XYLT2: variants seen among roughly 807,000 people sequenced by gnomAD.
XYLT2 encodes xylosyltransferase 2.
XYLT2 carries 37 observed loss-of-function variants against 82.6 expected under a neutral mutation model. That is an observed-to-expected ratio of 0.45 (90% CI 0.34 to 0.59). The LOEUF (loss-of-function observed/expected upper bound fraction) is 0.59, where lower values mean the gene tolerates loss of function less well. Among genes scored for constraint, XYLT2 ranks in the 20% least tolerant of loss-of-function variants. The pLI is 0.01. For synonymous variants in XYLT2, 474 were observed against 499.0 expected, an observed-to-expected ratio of 0.95 and a Z score of 0.67; for missense variants, 934 against 1,181.3, an observed-to-expected ratio of 0.79 and a Z score of 3.07.
rs386386236 is a variant in XYLT2, at chr17:50,360,571, CT to C, written c.*299del. On this transcript the variant is annotated 3_prime_UTR_variant, in exon 11 of 11. Transcript: ENST00000017003. ...TGTCTAGTTTGAATTTCTTTTTTTTCTTTTTTTTTTTTTTTTTTTAATTTAA... is the reference window on the plus strand; with the variant it reads ...TGTCTAGTTTGAATTTCTTTTTTTTCTTTTTTTTTTTTTTTTTTAATTTAA... 6.4e-3 allele frequency: 6,134 copies of C among 965,416 alleles called. 1 individual carries two copies. The highest frequency in any genetic ancestry group is 0.027 in the East Asian group (333 of 12,178). The allele number at this position is 965,416 out of a possible 1,614,324, so 59.8% of individuals were successfully genotyped here.
intron 1 of XYLT2, among the ~76,000 whole-genome samples, chr17:50,349,308 TG>T (rs757367678): frequency 2.0e-5 from 3 of 152,190 alleles, no homozygotes; most frequent in East Asian, 3.9e-4. Flanking sequence ...CTCAGCTCAG[TG>T]GGGCTGCATT....
chr17:50,360,280 C>T lies in XYLT2; in HGVS notation c.2587C>T (p.Arg863Ter), dbSNP rs762129763. ...SELGPVKADGRLR is the reference protein window; with the variant it reads ...SELGPVKADG ...GCTGGGGCCTGTCAAAGCAGACGGG[C>T]GACTCAGGTAGCAGGGCCCCAGCCA... Residue 863 changes from arginine to a stop codon, truncating the protein, a stop_gained, in exon 11 of 11, where the codon CGA (arginine) becomes TGA (stop). Coordinates refer to ENST00000017003, the MANE Select transcript of XYLT2 (RefSeq NM_022167.4). LOFTEE classifies it high-confidence loss of function. 5 of 1,593,144 alleles carry T rather than the reference C, an allele frequency of 3.1e-6. No individual in the cohort carries two copies. Among genetic ancestry groups the T allele is most frequent in the Non-Finnish European group, 3.4e-6 (4 of 1,167,664 alleles).
In XYLT2 at chr17:50,353,867, G is replaced by A. The variant is rs761201370; in HGVS notation, c.373G>A (p.Gly125Arg). ...AGCCCCAGGCCGCCAGAACCTGAGT[G>A]GGGCAGCAGCTGGGGAGGCGCTGGT... is the stretch of plus-strand genomic sequence containing the variant. ...PEAPGRQNLS[G>R]AAAGEALVGA... The change falls in exon 2 of 11, where the codon GGG (glycine) becomes AGG (arginine). Residue 125 changes from glycine to arginine, a missense_variant. By Grantham distance (125) the Gly-to-Arg change is moderately radical (BLOSUM62 -2). Transcript: ENST00000017003. 1 of 1,608,678 alleles carries A rather than the reference G, an allele frequency of 6.2e-7. No individual in the cohort carries two copies. The highest frequency in any genetic ancestry group is 1.7e-5 in the Admixed American group (1 of 59,784).
At chr17:50,354,364 G>A (rs189815011) in intron 2 of XYLT2, 44 bp from the exon 3 acceptor site, 1 of 1,553,788 alleles carries the variant, frequency 6.4e-7, no homozygotes, top group Admixed American at 1.9e-5. Context: ...CCCCCACCCT[G>A]TGACCTAGGG....
chr17:50,356,965 G>A, intron 8 of XYLT2, 92 bp from the exon 9 acceptor site: 1 of 1,478,416 alleles, frequency 6.8e-7, no homozygotes, highest in African/African-American at 1.4e-5. Flanking sequence ...GGAAGTGCCT[G>A]GGGATGGGAC....
chr17:50,347,820 G>T (rs1912102316), intron 1 of XYLT2, among the ~76,000 whole-genome samples: 1 of 152,214 alleles, frequency 6.6e-6, no homozygotes, highest in Non-Finnish European at 1.5e-5. Context: ...GCATAACGGG[G>T]TGCATGGGAA....
Position 50,346,188 on chromosome 17 carries a change from G to A in XYLT2, c.48G>A (p.Leu16=). 2 of 1,293,152 alleles carry A rather than the reference G, an allele frequency of 1.5e-6. No individual in the cohort carries two copies. The highest frequency in any genetic ancestry group is 2.0e-6 in the Non-Finnish European group (2 of 994,410). The allele number at this position is 1,293,152 out of a possible 1,614,324, so 80.1% of individuals were successfully genotyped here. A position where few individuals can be genotyped will look rare whatever the true frequency, so the allele number is the denominator to read the frequency against. ...RVQKLVRRYK[L]AIATALAILL... ...AGAAGCTGGTGCGGCGCTACAAGCT[G>A]GCGATTGCCACGGCGCTGGCCATCC... Residue 16 remains leucine, a synonymous_variant, in exon 1 of 11, where the codon CTG becomes CTA. Transcript: ENST00000017003. This position sits in a 1 kb window ranked among gnomAD's most constrained non-coding sequence, Gnocchi z 5.1.
At chr17:50,347,264 C>G (rs11650600) in intron 1 of XYLT2, among the ~76,000 whole-genome samples, 7 of 151,958 alleles carry the variant, frequency 4.6e-5, no homozygotes, top group Non-Finnish European at 7.4e-5. Context: ...CTCCAGGGCT[C>G]CGGGTCAGAG....
At chr17:50,358,128 T>C (rs138024387) in intron 9 of XYLT2, 79 bp from the exon 10 acceptor site, 1 of 1,324,890 alleles carries the variant, frequency 7.5e-7, no homozygotes, top group African/African-American at 1.5e-5. Context: ...GGCCTGAGAT[T>C]ACACAGTGAG....
In XYLT2 at chr17:50,360,917, G is replaced by C. The variant is rs1159461250; in HGVS notation, c.*626G>C. The C allele has an allele frequency of 1.0e-6, 1 of 985,860 alleles. No homozygotes were observed. Among genetic ancestry groups the C allele is most frequent in the Non-Finnish European group, 1.2e-6 (1 of 830,072 alleles). 61.1% of individuals were successfully genotyped at this position (985,860 alleles called of 1,614,324 possible). On this transcript the variant is annotated 3_prime_UTR_variant, in exon 11 of 11. Transcript: ENST00000017003. ...TTTGTAGCCAGGGGACCCTAGAAGT[G>C]GGGTGGGGCGGCTCCAGGGCTTTCC...
intron 4 of XYLT2, 99 bp downstream of exon 4, chr17:50,355,155 G>C (rs530143415): frequency 7.7e-7 from 1 of 1,306,484 alleles, no homozygotes; most frequent in Non-Finnish European, 1.1e-6. Flanking sequence ...CCCCATAAGC[G>C]TAACTCTGGG....
intron 10 of XYLT2, among the ~76,000 whole-genome samples, 175 bp downstream of exon 10, chr17:50,358,715 T>C (rs1328421672): frequency 1.3e-5 from 2 of 152,196 alleles, no homozygotes; most frequent in Non-Finnish European, 2.9e-5. Context: ...TGCACTGCAG[T>C]GTGGTGGAAA....
At chr17:50,356,890 T>C (rs967786182) in intron 8 of XYLT2, 117 bp downstream of exon 8, 301 of 1,496,244 alleles carry the variant, frequency 2.0e-4, no homozygotes, top group Admixed American at 2.0e-3. Context: ...CAGGGAAAAA[T>C]GCAAATACCG....
At chr17:50,354,744 T>C in intron 3 of XYLT2, 110 bp from the exon 4 acceptor site, 1 of 1,547,790 alleles carries the variant, frequency 6.5e-7, no homozygotes, top group Non-Finnish European at 8.8e-7. Context: ...GCTTAGGGGC[T>C]GGAGCCCTGC....
chr17:50,357,966 G>A (rs1598352775), intron 9 of XYLT2: 1 of 531,808 alleles, frequency 1.9e-6, no homozygotes, highest in East Asian at 2.9e-5. Flanking sequence ...CTGCCGTATT[G>A]TCCCCAATAA....
chr17:50,357,131 C>T lies in XYLT2; in HGVS notation c.1820C>T (p.Thr607Met), dbSNP rs138319215. ...GACCATTTCCAGGGCTACCTGGTGA[C>T]GCAGGCGGTGCAGCCCTCAGCCCAG... ...YDDHFQGYLV[T>M]QAVQPSAQGP... is the part of the protein sequence containing the mutation. Residue 607 changes from threonine to methionine, a missense_variant, in exon 9 of 11, where the codon ACG (threonine) becomes ATG (methionine). Around this residue, in one of 3 missense-constraint regions of XYLT2, gnomAD observed 374 missense variants for 465.6 expected, o/e 0.80. Transcript: ENST00000017003. The T allele has an allele frequency of 3.2e-5, 52 of 1,613,702 alleles. 1 individual carries two copies. The highest frequency in any genetic ancestry group is 2.1e-4 in the African/African-American group (16 of 74,910).
chr17:50,351,728 G>C (rs1000770177), intron 1 of XYLT2, among the ~76,000 whole-genome samples: 1 of 152,222 alleles, frequency 6.6e-6, no homozygotes, highest in African/African-American at 2.4e-5. Context: ...AGTAGGAGCA[G>C]GTTGGGGTCG....
intron 10 of XYLT2, among the ~76,000 whole-genome samples, chr17:50,358,775 G>A (rs1037869271): frequency 7.9e-5 from 12 of 152,220 alleles, no homozygotes; most frequent in African/African-American, 1.2e-4. Context: ...ACTCTCACAA[G>A]TTCATTGGCT....
Position 50,360,307 on chromosome 17 carries a change from T to C in XYLT2, c.*16T>C, listed in dbSNP as rs778809144. The C allele has an allele frequency of 2.6e-6, 4 of 1,567,932 alleles. No individual in the cohort carries two copies. The highest frequency in any genetic ancestry group is 2.4e-5 in the South Asian group (2 of 84,420). The stretch of plus-strand genomic sequence containing the variant: ...ACTCAGGTAGCAGGGCCCCAGCCAG[T>C]ACCCGTGGAGGACCCGGGAAATTGC... On this transcript the variant is annotated 3_prime_UTR_variant, in exon 11 of 11. Coordinates refer to ENST00000017003, the MANE Select transcript of XYLT2 (RefSeq NM_022167.4).
Sources: allele counts gnomAD v4.1 joint callset (sites outside exome capture counted in the v4.1 genomes callset), GRCh38; gene constraint gnomAD v4.1.1; regional missense constraint gnomAD v4.1.1; non-coding constraint Gnocchi (gnomAD v3.1); transcripts MANE v1.5; gene names NCBI Gene and HGNC (gene_info 2026-07-23, HGNC 2026-07-21).